The following OSBPL8 variants were observed in gnomAD, a reference collection of about 807,000 sequenced individuals.
OSBPL8 encodes oxysterol binding protein like 8, also known as oxysterol-binding protein-related protein 8.
OSBPL8 carries 59 observed loss-of-function variants against 125.5 expected under a neutral mutation model. The observed-to-expected ratio is 0.47, with a 90% CI of 0.38 to 0.58. OSBPL8 has a LOEUF of 0.58. OSBPL8 is among the 20% of genes least tolerant of loss of function. The pLI is 0.00. For synonymous variants in OSBPL8, 330 were observed against 338.9 expected, an observed-to-expected ratio of 0.97 and a Z score of 0.29; for missense variants, 758 against 1,047.8, an observed-to-expected ratio of 0.72 and a Z score of 3.82.
intron 1 of OSBPL8, among the ~76,000 whole-genome samples, chr12:76,530,222 T>C (rs1487100311): frequency 3.9e-4 from 16 of 40,574 alleles, no homozygotes; most frequent in African/African-American, 3.8e-3. Flanking sequence ...GGGCCTGGCT[T>C]TTTTTTTTTT....
At chr12:76,462,117 T>C (rs1356731534) in intron 2 of OSBPL8, among the ~76,000 whole-genome samples, 1 of 152,150 alleles carries the variant, frequency 6.6e-6, no homozygotes, top group African/African-American at 2.4e-5. Context: ...TGGCTGCGAG[T>C]ATTTAATTTC....
chr12:76,521,217 T>C (rs555700637), intron 1 of OSBPL8, among the ~76,000 whole-genome samples: 4 of 152,238 alleles, frequency 2.6e-5, no homozygotes, highest in African/African-American at 9.6e-5. Context: ...AAAACTCAAT[T>C]CCTAATTATG....
At chr12:76,413,791 G>A (rs140436455) in intron 4 of OSBPL8, among the ~76,000 whole-genome samples, 1,610 of 151,598 alleles carry the variant, frequency 0.011, 17 homozygotes, top group Non-Finnish European at 0.017. Context: ...AAAAAAAATC[G>A]TCTATCTTTT....
At position 76,490,618 on chromosome 12, in the gene OSBPL8, C is replaced by T. The variant is rs182789986; in HGVS notation, c.-67-3000G>A. ...AGCCACTTTCATGGCAATAAAATCC[C>T]CCACATTTACCATCTTTCAATTTGT... is the stretch of plus-strand genomic sequence containing the variant. On this transcript the variant is annotated intron_variant, in intron 1 of 23. Coordinates refer to ENST00000261183, the MANE Select transcript of OSBPL8 (RefSeq NM_020841.5). Among the ~76,000 whole-genome samples, 808 of 152,342 alleles carry T rather than the reference C, an allele frequency of 5.3e-3. 7 individuals carry two copies. Among genetic ancestry groups the T allele is most frequent in the African/African-American group, 0.019 (780 of 41,586 alleles).
At position 76,392,669 on chromosome 12, in the gene OSBPL8, G is replaced by A. The variant is rs1953614507; in HGVS notation, c.841C>T (p.His281Tyr). 2 of 1,613,988 alleles carry A rather than the reference G, an allele frequency of 1.2e-6. No homozygotes were observed. The highest frequency in any genetic ancestry group is 1.7e-5 in the Admixed American group (1 of 60,010). Residue 281 changes from histidine (H) to tyrosine (Y), a missense_variant, in exon 10 of 24, where the codon CAT becomes TAT. His to Tyr is a moderately conservative substitution (Grantham distance 83). Around this residue, in one of 3 missense-constraint regions of OSBPL8, gnomAD observed 572 missense variants for 762.0 expected, o/e 0.75. Transcript: ENST00000261183. ...KRTMIREGKE[H>Y]DLSVSSDSTH... is the part of the protein sequence containing the mutation. The stretch of plus-strand genomic sequence containing the variant: ...CTATCTGATGAAACGCTCAGGTCAT[G>A]TTCCTTTCCTTCTCTGATCATTGTA...
chr12:76,464,496 A>G (rs1435224854), intron 2 of OSBPL8, among the ~76,000 whole-genome samples: 14 of 152,256 alleles, frequency 9.2e-5, no homozygotes, highest in Admixed American at 9.2e-4. Flanking sequence ...TTTAGTCTAT[A>G]AATCTCAGAA....
In OSBPL8 at chr12:76,366,088, T is replaced by A. The variant is rs186533123; in HGVS notation, c.2328+3126A>T. On this transcript the variant is annotated intron_variant, in intron 21 of 23. Coordinates refer to ENST00000261183, the MANE Select transcript of OSBPL8 (RefSeq NM_020841.5). Reference sequence around the variant, plus strand: ...TTATCTGGCTTTGGCATTAGGGTAATGTTAGCCTCAGAGAATAAGTTAGGA... The same window carrying A: ...TTATCTGGCTTTGGCATTAGGGTAAAGTTAGCCTCAGAGAATAAGTTAGGA... 2.1e-3 allele frequency among the ~76,000 whole-genome samples: 327 copies of A among 152,332 alleles called. 2 individuals carry two copies. The highest frequency in any genetic ancestry group is 7.5e-3 in the African/African-American group (311 of 41,582).
intron 12 of OSBPL8, among the ~76,000 whole-genome samples, chr12:76,387,999 T>C (rs1953390038): frequency 1.3e-5 from 2 of 152,164 alleles, no homozygotes; most frequent in South Asian, 2.1e-4. Context: ...CATATATAAA[T>C]AAACAGTCTT....
At chr12:76,461,239 C>T (rs1874684613) in intron 2 of OSBPL8, among the ~76,000 whole-genome samples, 2 of 152,162 alleles carry the variant, frequency 1.3e-5, no homozygotes, top group Non-Finnish European at 2.9e-5. Context: ...GATGTCTCTT[C>T]TGGGATTAGA....
At chr12:76,373,225 G>A in intron 18 of OSBPL8, 119 bp downstream of exon 18, 2 of 578,920 alleles carry the variant, frequency 3.5e-6, no homozygotes, top group Non-Finnish European at 5.8e-6. Context: ...CTATTAAGAT[G>A]AAGCTTATGT....
chr12:76,407,371 C>T (rs1295538977), intron 5 of OSBPL8, among the ~76,000 whole-genome samples: 1 of 152,152 alleles, frequency 6.6e-6, no homozygotes, highest in Non-Finnish European at 1.5e-5. Context: ...CTGCCTTAGC[C>T]CCCCAGGTAG....
intron 2 of OSBPL8, among the ~76,000 whole-genome samples, chr12:76,487,202 G>A (rs536508753): frequency 5.5e-4 from 83 of 151,496 alleles, no homozygotes; most frequent in Non-Finnish European, 1.0e-3. Context: ...GCTAATTTTT[G>A]TATTTTTAAT....
chr12:76,539,657 T>G (rs1950591213), intron 1 of OSBPL8, among the ~76,000 whole-genome samples: 1 of 152,184 alleles, frequency 6.6e-6, no homozygotes, highest in African/African-American at 2.4e-5. Context: ...CCTCCTAAGA[T>G]TTTTCATGAA....
intron 21 of OSBPL8, among the ~76,000 whole-genome samples, chr12:76,364,454 A>T (rs1249605020): frequency 6.6e-6 from 1 of 152,150 alleles, no homozygotes; most frequent in African/African-American, 2.4e-5. Flanking sequence ...GAACAATGAC[A>T]ACACATGGAC....
chr12:76,499,097 G>A (rs146923851), intron 1 of OSBPL8, among the ~76,000 whole-genome samples: 2 of 152,114 alleles, frequency 1.3e-5, no homozygotes, highest in African/African-American at 4.8e-5. Context: ...ATCCACCATC[G>A]AATATAAGGC....
chr12:76,391,617 G>C (rs1953561104), intron 10 of OSBPL8, among the ~76,000 whole-genome samples: 1 of 152,158 alleles, frequency 6.6e-6, no homozygotes. Context: ...CAGCCAGCCA[G>C]CCCAGTGTGG....
chr12:76,474,908 T>C (rs948571512), intron 2 of OSBPL8, among the ~76,000 whole-genome samples: 3 of 152,222 alleles, frequency 2.0e-5, no homozygotes, highest in Admixed American at 2.0e-4. Flanking sequence ...TAAACTTAAG[T>C]TGACTTCTGA....
intron 14 of OSBPL8, among the ~76,000 whole-genome samples, chr12:76,385,440 G>A (rs1953269117): frequency 6.6e-6 from 1 of 152,144 alleles, no homozygotes; most frequent in South Asian, 2.1e-4. Flanking sequence ...AACAAAAAGA[G>A]AGGTATCATA....
At chr12:76,500,051 T>C (rs114628176) in intron 1 of OSBPL8, among the ~76,000 whole-genome samples, 1,714 of 152,288 alleles carry the variant, frequency 0.011, 32 homozygotes, top group African/African-American at 0.039. Context: ...GCCTACATAT[T>C]ATATCAGTTT....
Sources: gnomAD v4.1 joint callset for allele counts (sites outside exome capture counted in the v4.1 genomes callset) on GRCh38, gnomAD v4.1.1 for gene constraint, gnomAD v4.1.1 regional missense constraint, MANE v1.5 for transcripts, NCBI Gene and HGNC (gene_info 2026-07-23, HGNC 2026-07-21) for gene names.